Variants in OXTR observed in about 807,000 individuals in gnomAD.
OXTR encodes oxytocin receptor.
OXTR carries 19 observed loss-of-function variants against 23.9 expected under a neutral mutation model. That is an observed-to-expected ratio of 0.80 (90% CI 0.56 to 1.17). The LOEUF is 1.17. OXTR is among the 50% of genes most tolerant of loss of function. The probability of loss-of-function intolerance (pLI) is 0.00; values close to 1 mark genes in which losing one functional copy is unlikely to be tolerated. For missense variants in OXTR, 500 were observed against 550.7 expected (o/e 0.91, Z 0.92); for synonymous variants, 278 against 250.5 (o/e 1.11, Z -1.04).
chr3:8,743,480 C>G, the OXTR span, among the ~76,000 whole-genome samples: 1 of 152,176 alleles, frequency 6.6e-6, no homozygotes, highest in Non-Finnish European at 1.5e-5. Context: ...TTCCTCTCCT[C>G]CCATCCACAG....
At chr3:8,755,409 T>C (rs237888) in intron 3 of OXTR, among the ~76,000 whole-genome samples, 20,748 of 152,294 alleles carry the variant, frequency 0.14, 2,674 homozygotes, top group African/African-American at 0.34. Flanking sequence ...CCTAGTTGGA[T>C]ACAGTTATTT....
the OXTR span, among the ~76,000 whole-genome samples, chr3:8,744,190 T>C: frequency 0.01 from 1,586 of 152,184 alleles, 7 homozygotes; most frequent in Middle Eastern, 0.031. Flanking sequence ...AACCTCCCAC[T>C]TGGCGGGCTG....
chr3:8,748,974 A>G (rs559541258), downstream of OXTR, among the ~76,000 whole-genome samples: 1 of 152,228 alleles, frequency 6.6e-6, no homozygotes, highest in African/African-American at 2.4e-5. Context: ...GCAGAAGACA[A>G]TCTGCAGCTC....
chr3:8,746,978 T>C (rs1354486777), downstream of OXTR, among the ~76,000 whole-genome samples: 2 of 152,232 alleles, frequency 1.3e-5, no homozygotes, highest in Non-Finnish European at 2.9e-5. Flanking sequence ...TTTGGCACAT[T>C]AAAGGCTCTG....
At position 8,768,222 on chromosome 3, in the gene OXTR, G is replaced by T. The variant is rs1273629166; in HGVS notation, c.-35C>A. 6.3e-6 allele frequency: 8 copies of T among 1,272,976 alleles called. No homozygotes were observed. Among genetic ancestry groups the T allele is most frequent in the Non-Finnish European group, 7.9e-6 (8 of 1,015,384 alleles). The allele number at this position is 1,272,976 out of a possible 1,614,324, so 78.9% of individuals were successfully genotyped here. A position where few individuals can be genotyped will look rare whatever the true frequency, so the allele number is the denominator to read the frequency against. ...GGCAGCGGTGCGCCCCGGCCTTCGA[G>T]CCCTTTACGGCTTGGCGCGGCTGGG... On this transcript the variant is annotated 5_prime_UTR_variant, in exon 3 of 4. Transcript: ENST00000316793. This position sits in a 1 kb window ranked among gnomAD's most constrained non-coding sequence, Gnocchi z 5.4.
Position 8,767,465 on chromosome 3 carries a change from GGCCGCC to G in OXTR, c.717_722del (p.Ala240_Ala241del), listed in dbSNP as rs767319833. 1 of 1,600,172 alleles carries G rather than the reference GGCCGCC, an allele frequency of 6.2e-7. No homozygotes were observed. Among genetic ancestry groups the G allele is most frequent in the East Asian group, 2.3e-5 (1 of 44,402 alleles). ...CAGCCGCCGCGCCCTCTGGCGCCTC[GGCCGCC>G]GCCGCTGCAGCGGTCTTGAGCCGCA... On this transcript the variant is annotated inframe_deletion, in exon 3 of 4. Coordinates refer to ENST00000316793, the MANE Select transcript of OXTR (RefSeq NM_000916.4).
chr3:8,758,602 A>G (rs1359192639), intron 3 of OXTR, among the ~76,000 whole-genome samples: 3 of 152,170 alleles, frequency 2.0e-5, no homozygotes, highest in Admixed American at 2.0e-4. Context: ...CTCAATATAC[A>G]CTACAGGGTG....
At chr3:8,765,421 TAA>T (rs1047653114) in intron 3 of OXTR, among the ~76,000 whole-genome samples, 4 of 152,142 alleles carry the variant, frequency 2.6e-5, no homozygotes, top group South Asian at 2.1e-4. Flanking sequence ...TTGAATGAAT[TAA>T]CTGAATGCTG....
Position 8,767,347 on chromosome 3 carries a change from C to T in OXTR, c.841G>A (p.Val281Met), listed in dbSNP as rs144814761. The T allele has an allele frequency of 5.0e-4, 805 of 1,612,162 alleles. 2 individuals are homozygous for T. The highest frequency in any genetic ancestry group is 6.2e-4 in the Non-Finnish European group (735 of 1,179,274). The change falls in exon 3 of 4, where the codon GTG becomes ATG. Residue 281 changes from valine (V) to methionine (M), a missense_variant. Physicochemically the swap from Val to Met is conservative, Grantham distance 21 (BLOSUM62 1). Transcript: ENST00000316793. ...GTCCAGCACACGATGAAGGCCAGCA[C>T]GATGATGAAAGTCATCTTGACCGTG... is the stretch of plus-strand genomic sequence containing the variant. ...IRTVKMTFII[V>M]LAFIVCWTPF...
At chr3:8,766,927 G>T (rs1008507404) in intron 3 of OXTR, among the ~76,000 whole-genome samples, 5 of 152,170 alleles carry the variant, frequency 3.3e-5, no homozygotes, top group African/African-American at 1.2e-4. Context: ...GGAGTCCCTT[G>T]AACCTGTTTC....
intron 3 of OXTR, among the ~76,000 whole-genome samples, chr3:8,756,609 G>A (rs1383468428): frequency 6.6e-6 from 1 of 152,194 alleles, no homozygotes; most frequent in Non-Finnish European, 1.5e-5. Context: ...ACAGTAAGCA[G>A]TGCCCATTCC....
intron 3 of OXTR, among the ~76,000 whole-genome samples, chr3:8,758,144 TGGCACC>T (rs773540667): frequency 3.8e-4 from 58 of 152,128 alleles, no homozygotes; most frequent in South Asian, 8.3e-4. Flanking sequence ...CATTTCTACT[TGGCACC>T]ATGATTCATG....
chr3:8,756,135 A>G (rs1339556911), intron 3 of OXTR, among the ~76,000 whole-genome samples: 4 of 152,164 alleles, frequency 2.6e-5, no homozygotes, highest in Non-Finnish European at 5.9e-5. Context: ...TGTATAGGCC[A>G]TAGCATTCCC....
intron 3 of OXTR, among the ~76,000 whole-genome samples, chr3:8,753,563 A>T (rs534108092): frequency 6.6e-6 from 1 of 152,164 alleles, no homozygotes. Flanking sequence ...CACTCACCCA[A>T]TGAATGTTGA....
downstream of OXTR, among the ~76,000 whole-genome samples, chr3:8,748,731 T>C (rs933021359): frequency 1.3e-5 from 2 of 152,220 alleles, no homozygotes; most frequent in African/African-American, 4.8e-5. Context: ...TGTTCACATT[T>C]TGCCTTAAGT....
At chr3:8,759,227 C>G (rs934209070) in intron 3 of OXTR, among the ~76,000 whole-genome samples, 2 of 152,246 alleles carry the variant, frequency 1.3e-5, no homozygotes, top group African/African-American at 2.4e-5. Context: ...AGCTCCTACT[C>G]ACCCCTCAAA....
At chr3:8,766,337 T>A (rs2125006037) in intron 3 of OXTR, among the ~76,000 whole-genome samples, 1 of 152,238 alleles carries the variant, frequency 6.6e-6, no homozygotes, top group African/African-American at 2.4e-5. Context: ...CTAGGGTGCC[T>A]CTGTTCCTCC....
chr3:8,742,920 G>T, the OXTR span, among the ~76,000 whole-genome samples: 1 of 152,266 alleles, frequency 6.6e-6, no homozygotes, highest in Middle Eastern at 3.4e-3. Context: ...TTGGTTCATG[G>T]TTCTACAGGC....
At chr3:8,763,650 G>A (rs766692385) in intron 3 of OXTR, among the ~76,000 whole-genome samples, 1 of 152,180 alleles carries the variant, frequency 6.6e-6, no homozygotes, top group Non-Finnish European at 1.5e-5. Flanking sequence ...ATATATAAAG[G>A]GCTTGTCAAA....
Sources: gnomAD v4.1 joint callset for allele counts (sites outside exome capture counted in the v4.1 genomes callset) on GRCh38, gnomAD v4.1.1 for gene constraint, Gnocchi (gnomAD v3.1) non-coding constraint, MANE v1.5 for transcripts, NCBI Gene and HGNC (gene_info 2026-07-23, HGNC 2026-07-21) for gene names.